The following CNTN4 variants were observed in gnomAD, a reference collection of about 807,000 sequenced individuals.
CNTN4 encodes contactin-4.
In CNTN4, 77 loss-of-function variants were observed where a neutral mutation model predicts 122.5. That is an observed-to-expected ratio of 0.63 (90% confidence interval 0.52 to 0.76). The LOEUF (loss-of-function observed/expected upper bound fraction) is 0.76. Among genes scored for constraint, CNTN4 ranks in the 30% least tolerant of loss-of-function variants. CNTN4 has a pLI of 0.00. For synonymous variants in CNTN4, 512 were observed against 447.0 expected (o/e 1.15, Z -1.83); for missense variants, 1,256 against 1,259.1 (o/e 1.00, Z 0.04).
At chr3:2,339,724 T>G (rs1018677836) in intron 3 of CNTN4, among the ~76,000 whole-genome samples, 4 of 151,816 alleles carry the variant, frequency 2.6e-5, no homozygotes, top group African/African-American at 7.2e-5. Flanking sequence ...TTTTCCTTAA[T>G]AAAATATATA....
intron 4 of CNTN4, among the ~76,000 whole-genome samples, chr3:2,597,723 A>G (rs535937428): frequency 2.4e-4 from 36 of 152,252 alleles, no homozygotes; most frequent in Non-Finnish European, 4.0e-4. Flanking sequence ...CGCACACGTC[A>G]GGGGAGCATA....
At chr3:2,619,527 A>G (rs17623077) in intron 4 of CNTN4, among the ~76,000 whole-genome samples, 38,260 of 152,146 alleles carry the variant, frequency 0.25, 6,350 homozygotes, top group Middle Eastern at 0.43. Flanking sequence ...GAGTCTTTCA[A>G]AATTGTTGAT....
intron 2 of CNTN4, among the ~76,000 whole-genome samples, chr3:2,216,195 C>G (rs552888364): frequency 5.3e-5 from 8 of 152,306 alleles, no homozygotes; most frequent in African/African-American, 1.9e-4. Context: ...CCACGAAACA[C>G]TATGCAGCCA....
chr3:2,959,384 T>G (rs1485900246), intron 13 of CNTN4, among the ~76,000 whole-genome samples: 3 of 152,170 alleles, frequency 2.0e-5, no homozygotes, highest in Non-Finnish European at 4.4e-5. Flanking sequence ...TGTAAACACC[T>G]AATTGCATTT....
intron 2 of CNTN4, among the ~76,000 whole-genome samples, chr3:2,295,258 C>T (rs1429311281): frequency 7.0e-6 from 1 of 142,086 alleles, no homozygotes; most frequent in African/African-American, 2.7e-5. Flanking sequence ...GCCACACTGA[C>T]TTCCACAATG....
At chr3:2,566,895 A>G (rs2079187000) in intron 3 of CNTN4, among the ~76,000 whole-genome samples, 1 of 152,198 alleles carries the variant, frequency 6.6e-6, no homozygotes, top group African/African-American at 2.4e-5. Context: ...AAGTATTCTT[A>G]GTAATTAGAG....
At chr3:2,646,462 G>A (rs574944201) in intron 4 of CNTN4, among the ~76,000 whole-genome samples, 3 of 152,224 alleles carry the variant, frequency 2.0e-5, no homozygotes, top group South Asian at 2.1e-4. Flanking sequence ...TCGTATAATC[G>A]TGGTCAGAAT....
At chr3:2,804,124 A>C (rs920155479) in intron 6 of CNTN4, among the ~76,000 whole-genome samples, 2 of 151,872 alleles carry the variant, frequency 1.3e-5, no homozygotes, top group African/African-American at 4.8e-5. Context: ...TAAAGAAAAA[A>C]CACATGACAA....
chr3:3,006,334 C>T (rs1696647438), intron 14 of CNTN4, among the ~76,000 whole-genome samples: 1 of 152,134 alleles, frequency 6.6e-6, no homozygotes, highest in African/African-American at 2.4e-5. Flanking sequence ...ATTAGGTGCT[C>T]TGTAACAATT....
chr3:2,792,370 TCATTTCAAGATC>T (rs560339511), intron 6 of CNTN4, among the ~76,000 whole-genome samples: 12 of 152,358 alleles, frequency 7.9e-5, no homozygotes, highest in African/African-American at 2.9e-4. Context: ...CACAGATGAA[TCATTTCAAGATC>T]CATGATCCTC....
chr3:2,565,864 A>T (rs764458457), intron 3 of CNTN4, among the ~76,000 whole-genome samples: 2 of 152,200 alleles, frequency 1.3e-5, no homozygotes, highest in Non-Finnish European at 2.9e-5. Context: ...TCTCAACTCT[A>T]CAGATGGGAA....
intron 13 of CNTN4, among the ~76,000 whole-genome samples, chr3:2,953,123 A>C (rs2094763282): frequency 6.6e-6 from 1 of 152,180 alleles, no homozygotes; most frequent in South Asian, 2.1e-4. Flanking sequence ...TATATGAAGC[A>C]TCTTGCTTGA....
intron 4 of CNTN4, among the ~76,000 whole-genome samples, chr3:2,674,980 G>T (rs184143655): frequency 6.6e-6 from 1 of 152,134 alleles, no homozygotes; most frequent in African/African-American, 2.4e-5. Context: ...AGAACACGTG[G>T]TATTTATCTT....
At chr3:2,770,659 G>T (rs1409276070) in intron 6 of CNTN4, among the ~76,000 whole-genome samples, 2 of 152,232 alleles carry the variant, frequency 1.3e-5, no homozygotes, top group South Asian at 2.1e-4. Flanking sequence ...ACTATCCAGG[G>T]CTAGAGATAA....
chr3:2,696,906 A>T (rs2086066210), intron 4 of CNTN4, among the ~76,000 whole-genome samples: 1 of 152,214 alleles, frequency 6.6e-6, no homozygotes, highest in Non-Finnish European at 1.5e-5. Flanking sequence ...TAAGATAGCC[A>T]TTTGTTAAGT....
At chr3:2,831,689 A>T (rs2093108627) in intron 7 of CNTN4, among the ~76,000 whole-genome samples, 1 of 152,168 alleles carries the variant, frequency 6.6e-6, no homozygotes, top group South Asian at 2.1e-4. Context: ...ACTCCATAGG[A>T]CTTCACAAAT....
intron 13 of CNTN4, among the ~76,000 whole-genome samples, chr3:2,977,499 A>C (rs932660399): frequency 6.6e-6 from 1 of 151,718 alleles, no homozygotes; most frequent in Non-Finnish European, 1.5e-5. Flanking sequence ...TATACTCCTC[A>C]TTTGATTGTT....
rs151159418 is a variant in CNTN4, at chr3:2,830,988, C to A, written c.454+11407C>A. Among the ~76,000 whole-genome samples the A allele has an allele frequency of 5.7e-3, 867 of 152,244 alleles. 10 individuals carry two copies. The highest frequency in any genetic ancestry group is 0.02 in the African/African-American group (849 of 41,542). ...CTCAGAAATGGATATTTACCACTCT[C>A]AGGGATTTTGAACCTAGGAGTCTTA... On this transcript the variant is annotated intron_variant, in intron 7 of 24. Transcript: ENST00000418658.
At chr3:2,318,704 A>G (rs2043189470) in intron 2 of CNTN4, among the ~76,000 whole-genome samples, 1 of 152,120 alleles carries the variant, frequency 6.6e-6, no homozygotes, top group Non-Finnish European at 1.5e-5. Context: ...GCCAGAGTGC[A>G]GTGGAGCTCA....
Sources: gnomAD v4.1 joint callset for allele counts (sites outside exome capture counted in the v4.1 genomes callset) on GRCh38, gnomAD v4.1.1 for gene constraint, MANE v1.5 for transcripts, NCBI Gene and HGNC (gene_info 2026-07-23, HGNC 2026-07-21) for gene names.